Variants in DRC7 observed in about 807,000 individuals in gnomAD.
The protein encoded by DRC7 is dynein regulatory complex subunit 7, also known as coiled-coil domain containing 135.
A neutral mutation model predicts 104.4 loss-of-function variants in DRC7; 80 were observed. The observed-to-expected ratio is 0.77, with a 90% CI of 0.64 to 0.92. The LOEUF (loss-of-function observed/expected upper bound fraction) is 0.92, where lower values mean the gene tolerates loss of function less well. Ranked by LOEUF, DRC7 falls within the 40% of genes least tolerant of loss-of-function variation. The pLI is 0.00. For missense variants in DRC7, 1,034 were observed against 1,141.1 expected, an observed-to-expected ratio of 0.91 and a Z score of 1.35; for synonymous variants, 405 against 447.3, an observed-to-expected ratio of 0.91 and a Z score of 1.19.
In DRC7 at chr16:57,730,086, TGGGTGGGTGGATGAGTGAGTGAGC is replaced by T. The variant is rs1459467591; in HGVS notation, c.2392-831_2392-808del. Among the ~76,000 whole-genome samples the T allele has an allele frequency of 7.5e-5, 6 of 80,406 alleles. No homozygotes were observed. The East Asian group carries it at 2.5e-3, about 33-fold the overall frequency. 52.7% of individuals were successfully genotyped at this position (80,406 alleles called of 152,430 possible). A position where few individuals can be genotyped will look rare whatever the true frequency, so the allele number is the denominator to read the frequency against. Reference sequence around the variant, plus strand: ...GATGGATGATGGATGGATGGGTGAGTGGGTGGGTGGATGAGTGAGTGAGCGGGTGGGTGGATGGATGAGTGGGTG... The same window carrying T: ...GATGGATGATGGATGGATGGGTGAGTGGGTGGGTGGATGGATGAGTGGGTG... On this transcript the variant is annotated intron_variant, in intron 17 of 18. Transcript: ENST00000360716.
intron 10 of DRC7, among the ~76,000 whole-genome samples, chr16:57,722,125 C>T (rs994110504): frequency 6.6e-6 from 1 of 152,164 alleles, no homozygotes; most frequent in East Asian, 1.9e-4. Flanking sequence ...GTAGAGAAGG[C>T]AGGAGGGCAG....
chr16:57,728,547 T>A lies in DRC7; in HGVS notation c.2354T>A (p.Ile785Asn). The A allele has an allele frequency of 6.2e-7, 1 of 1,609,922 alleles. No individual in the cohort carries two copies. The highest frequency in any genetic ancestry group is 8.5e-7 in the Non-Finnish European group (1 of 1,178,530). ...ECLSDFKQRL[I>N]NKANLIQARF... ...CTCAGCGACTTCAAGCAGCGGCTCA[T>A]CAACAAGGCCAACCTCATCCAGGCC... The change falls in exon 17 of 19, where the codon ATC becomes AAC. Residue 785 changes from isoleucine (I) to asparagine (N), a missense_variant. Physicochemically the swap from Ile to Asn is moderately radical, Grantham distance 149 (BLOSUM62 -3). Coordinates refer to ENST00000360716, the MANE Select transcript of DRC7 (RefSeq NM_001289162.2).
Position 57,698,883 on chromosome 16 carries a change from G to A in DRC7, c.237G>A (p.Lys79=). ...CCAAGGACACTATTGACATCTCCAAGCTGCCCATTTCCTACAAAACCAACA... is the reference window on the plus strand; with the variant it reads ...CCAAGGACACTATTGACATCTCCAAACTGCCCATTTCCTACAAAACCAACA... ...AFTKDTIDIS[K]LPISYKTNTP... Residue 79 remains lysine (K), a synonymous_variant, in exon 4 of 19, where the codon AAG becomes AAA. Transcript: ENST00000360716. 1 of 1,614,064 alleles carries A rather than the reference G, an allele frequency of 6.2e-7. No individual in the cohort carries two copies. Among genetic ancestry groups the A allele is most frequent in the East Asian group, 2.2e-5 (1 of 44,878 alleles).
intron 8 of DRC7, among the ~76,000 whole-genome samples, chr16:57,710,531 G>A (rs34181217): frequency 0.21 from 31,683 of 152,118 alleles, 3,588 homozygotes; most frequent in South Asian, 0.25. Flanking sequence ...ATCAGTAAAT[G>A]TTAAACAGAA....
At chr16:57,727,190 C>T (rs1365467669) in intron 15 of DRC7, 109 bp from the exon 16 acceptor site, 1 of 905,798 alleles carries the variant, frequency 1.1e-6, no homozygotes, top group South Asian at 1.5e-5. Context: ...AGGCTGGTCT[C>T]AAACTCCTGA....
rs762564177 is a variant in DRC7, at chr16:57,726,142, C to G, written c.1833C>G (p.Val611=). The change falls in exon 14 of 19, where the codon GTC becomes GTG. Residue 611 remains valine (V), a synonymous_variant. Transcript: ENST00000360716. ...EEDVAERVFL[V]AEERIQLRYH... ...ACGTGGCAGAGCGCGTGTTTCTGGT[C>G]GCGGAGGAGCGCATCCAGCTGCGCT... The G allele has an allele frequency of 2.4e-5, 39 of 1,613,000 alleles. No homozygotes were observed. Among genetic ancestry groups the G allele is most frequent in the Non-Finnish European group, 3.2e-5 (38 of 1,180,038 alleles).
In DRC7 at chr16:57,724,208, G is replaced by A. The variant is rs539554089; in HGVS notation, c.1538-407G>A. 7.5e-4 allele frequency among the ~76,000 whole-genome samples: 113 copies of A among 151,212 alleles called. 3 individuals are homozygous for A. Among genetic ancestry groups the A allele is most frequent in the Admixed American group, 6.2e-3 (94 of 15,146 alleles). ...GCCTGTAGTCCCAGTTACTTGGGAG[G>A]CTGAGACAGGAGAGTCACTTGAACC... On this transcript the variant is annotated intron_variant, in intron 12 of 18. Transcript: ENST00000360716.
chr16:57,700,734 A>G (rs1238587106), intron 5 of DRC7, among the ~76,000 whole-genome samples: 3 of 151,602 alleles, frequency 2.0e-5, no homozygotes, highest in African/African-American at 7.3e-5. Flanking sequence ...ATGGTCTTGC[A>G]AGATTGGGTG....
intron 17 of DRC7, among the ~76,000 whole-genome samples, chr16:57,729,355 TGA>T (rs2049018285): frequency 7.0e-6 from 1 of 141,854 alleles, no homozygotes; most frequent in African/African-American, 2.7e-5. Flanking sequence ...GATGAGTGAG[TGA>T]GTGAGTGGGC....
intron 8 of DRC7, among the ~76,000 whole-genome samples, chr16:57,708,486 C>T (rs1298966197): frequency 2.0e-5 from 3 of 152,184 alleles, no homozygotes; most frequent in South Asian, 2.1e-4. Context: ...TACACCAGAA[C>T]TTATTTGTCC....
At chr16:57,704,781 C>A in intron 6 of DRC7, 95 bp from the exon 7 acceptor site, 1 of 1,447,186 alleles carries the variant, frequency 6.9e-7, no homozygotes, top group African/African-American at 1.4e-5. Flanking sequence ...ATCCCCCGGT[C>A]TGAGGGACTG....
chr16:57,700,370 C>T (rs755294922), intron 5 of DRC7, 100 bp downstream of exon 5: 396 of 1,444,628 alleles, frequency 2.7e-4, no homozygotes, highest in Non-Finnish European at 3.5e-4. Context: ...ACTTAGAGGC[C>T]GGGCGTGGTA....
chr16:57,708,343 T>C (rs1420181934), intron 8 of DRC7, among the ~76,000 whole-genome samples: 1 of 152,242 alleles, frequency 6.6e-6, no homozygotes, highest in South Asian at 2.1e-4. Context: ...TTTTGGAGTT[T>C]ACATCAGTTG....
In DRC7 at chr16:57,722,696, GCTGA is replaced by G. The variant is rs1398902134; in HGVS notation, c.1280-13_1280-10del. Reference sequence around the variant, plus strand: ...CCCAAACTAGCAAGAAGAGACCACAGCTGACTGTGTCCACAGCATTTGAGACCCG... The same window carrying G: ...CCCAAACTAGCAAGAAGAGACCACAGCTGTGTCCACAGCATTTGAGACCCG... On this transcript the variant is annotated splice_polypyrimidine_tract_variant and intron_variant, in intron 10 of 18. Coordinates refer to ENST00000360716, the MANE Select transcript of DRC7 (RefSeq NM_001289162.2). 8.7e-6 allele frequency: 14 copies of G among 1,613,248 alleles called. No individual in the cohort carries two copies. Among genetic ancestry groups the G allele is most frequent in the Non-Finnish European group, 1.2e-5 (14 of 1,179,920 alleles).
intron 8 of DRC7, among the ~76,000 whole-genome samples, chr16:57,711,242 A>G (rs1420129143): frequency 6.6e-6 from 1 of 152,226 alleles, no homozygotes; most frequent in South Asian, 2.1e-4. Flanking sequence ...TTGTTATGAA[A>G]GTGTTCAAAA....
chr16:57,718,154 T>G (rs2048863738), intron 8 of DRC7, among the ~76,000 whole-genome samples, 193 bp from the exon 9 acceptor site: 1 of 152,212 alleles, frequency 6.6e-6, no homozygotes, highest in South Asian at 2.1e-4. Flanking sequence ...CCTCGGGGCC[T>G]CAGTTTCCCT....
rs1208840553 is a variant in DRC7 at position 57,723,163 on chromosome 16, A to G, written c.1537+33A>G. On this transcript the variant is annotated intron_variant, in intron 12 of 18. Transcript: ENST00000360716. ...GCTCCCCTTTCCTGGGCCACCCAGG[A>G]GCCTGGGGTAGAGGCCTCACACACC... 1.9e-6 allele frequency: 3 copies of G among 1,608,162 alleles called. No individual in the cohort carries two copies. The South Asian group carries it at 3.3e-5, about 18-fold the overall frequency.
chr16:57,696,065 G>A (rs1222677145), intron 1 of DRC7, among the ~76,000 whole-genome samples: 1 of 152,198 alleles, frequency 6.6e-6, no homozygotes, highest in East Asian at 1.9e-4. Context: ...TTGTCCTGTG[G>A]GTTTCGTTTG....
Position 57,731,350 on chromosome 16 carries a change from T to A in DRC7, c.*92T>A. 1 of 973,176 alleles carries A rather than the reference T, an allele frequency of 1.0e-6. No homozygotes were observed. Among genetic ancestry groups the A allele is most frequent in the Admixed American group, 2.1e-5 (1 of 48,022 alleles). 60.3% of individuals were successfully genotyped at this position (973,176 alleles called of 1,614,324 possible). A position where few individuals can be genotyped will look rare whatever the true frequency, so the allele number is the denominator to read the frequency against. Reference sequence around the variant, plus strand: ...GTGTTCCCTCTATCCAGCCAATGCCTGTTTACACAGACACCTGGCCTCACT... The same window carrying A: ...GTGTTCCCTCTATCCAGCCAATGCCAGTTTACACAGACACCTGGCCTCACT... On this transcript the variant is annotated 3_prime_UTR_variant, in exon 19 of 19. Transcript: ENST00000360716.
Sources: gnomAD v4.1 joint callset for allele counts (sites outside exome capture counted in the v4.1 genomes callset) on GRCh38, gnomAD v4.1.1 for gene constraint, MANE v1.5 for transcripts, NCBI Gene and HGNC (gene_info 2026-07-23, HGNC 2026-07-21) for gene names.